GNG7: variants seen among roughly 807,000 people sequenced by gnomAD.
The protein encoded by GNG7 is G protein subunit gamma 7.
In GNG7, 1 loss-of-function variant was observed where a neutral mutation model predicts 4.0. The ratio of observed to expected loss-of-function variants is 0.25; its 90% CI spans 0.09 to 1.18. The LOEUF (loss-of-function observed/expected upper bound fraction) is 1.18, where lower values mean the gene tolerates loss of function less well. GNG7 is among the 50% of genes most tolerant of loss of function. The pLI is 0.50. For missense variants in GNG7, 86 were observed against 91.9 expected (o/e 0.94, Z 0.26); for synonymous variants, 34 against 36.9 (o/e 0.92, Z 0.29).
chr19:2,621,389 G>C (rs150614672), intron 2 of GNG7, among the ~76,000 whole-genome samples: 2 of 150,624 alleles, frequency 1.3e-5, no homozygotes, highest in East Asian at 4.0e-4. Context: ...CAAGACTCCA[G>C]ACACAAAAAA....
At position 2,617,915 on chromosome 19, in the gene GNG7, C is replaced by T. The variant is rs1434273859; in HGVS notation, c.-78+28309G>A. On this transcript the variant is annotated intron_variant, in intron 2 of 4. Coordinates refer to ENST00000382159, the MANE Select transcript of GNG7 (RefSeq NM_052847.3). The surrounding 1 kb of genome is among the most constrained non-coding windows in gnomAD (Gnocchi z 4.7). Reference sequence around the variant, plus strand: ...TTAAATGTTTTGTAGAGATACGGTCCTGCTATGTTGCCCAGGCTGGTCTCA... The same window carrying T: ...TTAAATGTTTTGTAGAGATACGGTCTTGCTATGTTGCCCAGGCTGGTCTCA... Among the ~76,000 whole-genome samples the T allele has an allele frequency of 6.6e-6, 1 of 151,730 alleles. No homozygotes were observed. Among genetic ancestry groups the T allele is most frequent in the East Asian group, 1.9e-4 (1 of 5,182 alleles).
At chr19:2,625,103 T>C (rs1981983552) in intron 2 of GNG7, among the ~76,000 whole-genome samples, 1 of 152,194 alleles carries the variant, frequency 6.6e-6, no homozygotes, top group Admixed American at 6.5e-5. Context: ...AAGATCTTGC[T>C]CTGTCGCCAG....
chr19:2,648,884 GTTT>G (rs946501220), intron 1 of GNG7, among the ~76,000 whole-genome samples: 5 of 147,772 alleles, frequency 3.4e-5, no homozygotes, highest in Admixed American at 6.8e-5. Context: ...TTTTTTTTTT[GTTT>G]TTTGTTTTTT....
At chr19:2,533,983 T>C (rs1378956921) in intron 3 of GNG7, among the ~76,000 whole-genome samples, 2 of 152,212 alleles carry the variant, frequency 1.3e-5, no homozygotes, top group African/African-American at 4.8e-5. Context: ...TGCTTCTGCC[T>C]TCACATTTTT....
chr19:2,525,635 C>T (rs1288438662), intron 3 of GNG7, among the ~76,000 whole-genome samples: 1 of 152,148 alleles, frequency 6.6e-6, no homozygotes, highest in Non-Finnish European at 1.5e-5. Context: ...GCTGGCAGCA[C>T]CGGCAGGGAG....
chr19:2,569,462 A>G (rs1980079396), intron 2 of GNG7, among the ~76,000 whole-genome samples: 1 of 152,058 alleles, frequency 6.6e-6, no homozygotes, highest in East Asian at 1.9e-4. Flanking sequence ...TTTTTAGTAG[A>G]GACGAGGGTT....
intron 3 of GNG7, among the ~76,000 whole-genome samples, chr19:2,553,956 T>C (rs920382020): frequency 2.9e-5 from 4 of 139,538 alleles, no homozygotes; most frequent in Non-Finnish European, 6.1e-5. Flanking sequence ...ATATGTAATA[T>C]ATATTACACA....
intron 2 of GNG7, among the ~76,000 whole-genome samples, chr19:2,600,729 A>G (rs962449872): frequency 2.0e-5 from 3 of 151,078 alleles, no homozygotes; most frequent in Non-Finnish European, 3.0e-5. Flanking sequence ...ACCCACCTTG[A>G]CCTCTCAAAG....
rs113883059 is a variant in GNG7 at position 2,630,021 on chromosome 19, G to GT, written c.-78+16202dup. Among the ~76,000 whole-genome samples, 1,071 of 144,744 alleles carry GT rather than the reference G, an allele frequency of 7.4e-3. 12 individuals carry two copies. The highest frequency in any genetic ancestry group is 0.023 in the African/African-American group (904 of 40,096). The allele number at this position is 144,744 out of a possible 152,430, so 95.0% of individuals were successfully genotyped here. On this transcript the variant is annotated intron_variant, in intron 2 of 4. Transcript: ENST00000382159. The stretch of plus-strand genomic sequence containing the variant: ...CTGTAATGATTTCAAAATAAAGGTT[G>GT]TTTTTTTTTTTTAATAAGTGGAGAC...
rs200960656 is a variant in GNG7 at position 2,618,655 on chromosome 19, A to AT, written c.-78+27568dup. Reference sequence around the variant, plus strand: ...TGAGCCACCGTGCCCAGCCTGTTCTATTTTTTTTTTAATAAACAATTTTAT... The same window carrying AT: ...TGAGCCACCGTGCCCAGCCTGTTCTATTTTTTTTTTTAATAAACAATTTTAT... On this transcript the variant is annotated intron_variant, in intron 2 of 4. Coordinates refer to ENST00000382159, the MANE Select transcript of GNG7 (RefSeq NM_052847.3). The surrounding 1 kb of genome is among the most constrained non-coding windows in gnomAD (Gnocchi z 5.1). Among the ~76,000 whole-genome samples the AT allele has an allele frequency of 7.4e-4, 109 of 148,266 alleles. No homozygotes were observed. Among genetic ancestry groups the AT allele is most frequent in the African/African-American group, 2.3e-3 (94 of 40,512 alleles).
intron 3 of GNG7, among the ~76,000 whole-genome samples, chr19:2,537,951 C>G (rs1978798809): frequency 1.3e-5 from 2 of 152,108 alleles, no homozygotes; most frequent in African/African-American, 2.4e-5. Flanking sequence ...GTGGTGCATG[C>G]CTGTAGTCCC....
At chr19:2,668,795 T>C (rs1983377580) in intron 1 of GNG7, among the ~76,000 whole-genome samples, 1 of 152,162 alleles carries the variant, frequency 6.6e-6, no homozygotes, top group Non-Finnish European at 1.5e-5. Context: ...CACCCACACC[T>C]GGTGCTGACA....
intron 3 of GNG7, among the ~76,000 whole-genome samples, chr19:2,539,051 G>C (rs1283266766): frequency 6.6e-6 from 1 of 152,098 alleles, no homozygotes; most frequent in Non-Finnish European, 1.5e-5. Flanking sequence ...GATTACAGGC[G>C]TGAGCCACGG....
chr19:2,695,214 C>A (rs1913216704), intron 1 of GNG7, among the ~76,000 whole-genome samples: 1 of 151,954 alleles, frequency 6.6e-6, no homozygotes, highest in Non-Finnish European at 1.5e-5. Context: ...CAATCCGTTC[C>A]CTGGCAAACT....
chr19:2,520,819 T>G, intron 3 of GNG7, 94 bp from the exon 4 acceptor site: 1 of 610,260 alleles, frequency 1.6e-6, no homozygotes, highest in Non-Finnish European at 3.0e-6. Context: ...TTCCCGACTC[T>G]AGGCACGGCC....
rs569027253 is a variant in GNG7, at chr19:2,627,979, T to G, written c.-78+18245A>C. Among the ~76,000 whole-genome samples the G allele has an allele frequency of 3.3e-5, 5 of 152,304 alleles. No homozygotes were observed. In the East Asian group the frequency reaches 9.6e-4, roughly 29 times the overall value. On this transcript the variant is annotated intron_variant, in intron 2 of 4. Transcript: ENST00000382159. The stretch of plus-strand genomic sequence containing the variant: ...GAAGGAGGTGACGGTCCGGCCCAGG[T>G]GACAGGCACAGTTAATGTGATGATC...
Position 2,610,350 on chromosome 19 carries a change from T to C in GNG7, c.-78+35874A>G, listed in dbSNP as rs566430856. The C allele has an allele frequency of 2.3e-5, 3 of 127,998 alleles. No individual in the cohort carries two copies. In the East Asian group the frequency reaches 7.2e-4, roughly 31 times the overall value. 7.9% of individuals were successfully genotyped at this position (127,998 alleles called of 1,614,324 possible). A position where few individuals can be genotyped will look rare whatever the true frequency, so the allele number is the denominator to read the frequency against. ...TTTTTTTTTTTTAATTTTTATTTAT[T>C]TATTATTACTTTTTTAAGACAGAGT... On this transcript the variant is annotated intron_variant, in intron 2 of 4. Transcript: ENST00000382159.
chr19:2,651,656 C>T (rs965965658), intron 1 of GNG7, among the ~76,000 whole-genome samples: 1 of 149,514 alleles, frequency 6.7e-6, no homozygotes, highest in African/African-American at 2.5e-5. Flanking sequence ...ACCTCCACCT[C>T]TCAGGTTTAA....
In GNG7 at chr19:2,633,658, G is replaced by C. The variant is rs1356837052; in HGVS notation, c.-78+12566C>G. On this transcript the variant is annotated intron_variant, in intron 2 of 4. Transcript: ENST00000382159. The surrounding 1 kb of genome is among the most constrained non-coding windows in gnomAD (Gnocchi z 5.9). ...TGGTCGCAATAACAGCTCTGAAACGGGGATTCATTGAGAGGACATCGGTGG... is the reference window on the plus strand; with the variant it reads ...TGGTCGCAATAACAGCTCTGAAACGCGGATTCATTGAGAGGACATCGGTGG... Among the ~76,000 whole-genome samples, 1 of 152,046 alleles carries C rather than the reference G, an allele frequency of 6.6e-6. No individual in the cohort carries two copies. Among genetic ancestry groups the C allele is most frequent in the African/African-American group, 2.4e-5 (1 of 41,396 alleles).
Sources: gnomAD v4.1 joint callset for allele counts (sites outside exome capture counted in the v4.1 genomes callset) on GRCh38, gnomAD v4.1.1 for gene constraint, Gnocchi (gnomAD v3.1) non-coding constraint, MANE v1.5 for transcripts, NCBI Gene and HGNC (gene_info 2026-07-23, HGNC 2026-07-21) for gene names.